Variants in LARGE1 observed in about 807,000 individuals in gnomAD.
LARGE1 encodes xylosyl- and glucuronyltransferase LARGE1.
In LARGE1, 43 loss-of-function variants were observed where a neutral mutation model predicts 87.6. That is an observed-to-expected ratio of 0.49 (90% CI 0.38 to 0.63). LARGE1 has a LOEUF of 0.63. Ranked by LOEUF, LARGE1 falls within the 30% of genes least tolerant of loss-of-function variation. The pLI is 0.00. For missense variants in LARGE1, 802 were observed against 1,000.2 expected (o/e 0.80, Z 2.67); for synonymous variants, 434 against 394.6 (o/e 1.10, Z -1.18).
At chr22:33,315,577 C>T (rs983100757) in intron 11 of LARGE1, among the ~76,000 whole-genome samples, 3 of 152,056 alleles carry the variant, frequency 2.0e-5, no homozygotes, top group Admixed American at 6.6e-5. Context: ...CCTTGGTTTT[C>T]GGTGCTGGGG....
At chr22:33,628,195 A>C (rs150386874) in intron 3 of LARGE1, among the ~76,000 whole-genome samples, 2 of 152,190 alleles carry the variant, frequency 1.3e-5, no homozygotes, top group Non-Finnish European at 1.5e-5. Flanking sequence ...ACTGTGCTTC[A>C]TATTACCAGA....
intron 11 of LARGE1, among the ~76,000 whole-genome samples, chr22:33,203,678 A>T (rs143627022): frequency 6.6e-6 from 1 of 152,208 alleles, no homozygotes; most frequent in East Asian, 1.9e-4. Context: ...ACTGCCCTGG[A>T]TTTCCCCAGC....
At chr22:33,368,697 A>G (rs2064689767) in intron 9 of LARGE1, among the ~76,000 whole-genome samples, 1 of 151,920 alleles carries the variant, frequency 6.6e-6, no homozygotes, top group Admixed American at 6.6e-5. Context: ...TAACTTGGAG[A>G]TATTGTGGGT....
chr22:33,503,350 G>A (rs752182899), intron 6 of LARGE1, among the ~76,000 whole-genome samples: 17 of 149,344 alleles, frequency 1.1e-4, no homozygotes, highest in Non-Finnish European at 2.2e-4. Flanking sequence ...TCCGCCTTCC[G>A]GGTTCAAGCA....
chr22:33,083,612 T>C, the LARGE1 span, among the ~76,000 whole-genome samples: 1 of 152,190 alleles, frequency 6.6e-6, no homozygotes, highest in South Asian at 2.1e-4. Flanking sequence ...ATATATAATA[T>C]ATCAGATAGT....
chr22:33,584,705 G>C (rs2078619504), intron 5 of LARGE1, among the ~76,000 whole-genome samples: 1 of 151,794 alleles, frequency 6.6e-6, no homozygotes, highest in South Asian at 2.1e-4. Context: ...TCAGCTGGCA[G>C]TCCATCCATC....
intron 1 of LARGE1, among the ~76,000 whole-genome samples, chr22:33,851,625 T>C (rs1199262713): frequency 6.6e-6 from 1 of 152,192 alleles, no homozygotes; most frequent in Non-Finnish European, 1.5e-5. Flanking sequence ...TTGGGTTCAT[T>C]GGTTCACTGC....
intron 2 of LARGE1, among the ~76,000 whole-genome samples, chr22:33,658,149 C>T (rs545752755): frequency 1.6e-4 from 24 of 152,268 alleles, no homozygotes; most frequent in African/African-American, 5.5e-4. Flanking sequence ...TCCCTGGTCC[C>T]TCAGGCCAGT....
intron 2 of LARGE1, among the ~76,000 whole-genome samples, chr22:33,714,018 TAA>T (rs2082836034): frequency 2.0e-5 from 3 of 151,352 alleles, no homozygotes; most frequent in African/African-American, 7.3e-5. Context: ...TAACATAACA[TAA>T]CATAACATAA....
At chr22:33,513,907 A>G (rs553727001) in intron 6 of LARGE1, among the ~76,000 whole-genome samples, 18 of 151,806 alleles carry the variant, frequency 1.2e-4, no homozygotes, top group African/African-American at 4.3e-4. Flanking sequence ...TTGTGGTCCC[A>G]TAAGATTATG....
chr22:33,513,812 T>TACACACACAC (rs56262022), intron 6 of LARGE1, among the ~76,000 whole-genome samples: 16,129 of 143,040 alleles, frequency 0.11, 963 homozygotes, highest in Admixed American at 0.14. Flanking sequence ...AGAGCTGATG[T>TACACACACAC]ACACACACAC....
rs74345484 is a variant in LARGE1, at chr22:33,289,494, G to A, written c.1731-6146C>T. Among the ~76,000 whole-genome samples the A allele has an allele frequency of 9.5e-3, 1,448 of 152,274 alleles. 28 individuals carry two copies. Among genetic ancestry groups the A allele is most frequent in the African/African-American group, 0.034 (1,393 of 41,544 alleles). ...TCAGGGCTCTAGAGCCCAAAGCAGT[G>A]CCTGACTTAGAATTAACTCATTAAC... is the stretch of plus-strand genomic sequence containing the variant. On this transcript the variant is annotated intron_variant, in intron 12 of 14. Transcript: ENST00000397394.
intron 7 of LARGE1, among the ~76,000 whole-genome samples, chr22:33,395,303 G>A (rs1404491596): frequency 6.6e-6 from 1 of 151,258 alleles, no homozygotes; most frequent in Non-Finnish European, 1.5e-5. Context: ...GAAGCTGTAG[G>A]CCTAGGGTAG....
intron 1 of LARGE1, among the ~76,000 whole-genome samples, chr22:33,833,252 T>A (rs925529845): frequency 1.3e-5 from 2 of 152,220 alleles, no homozygotes; most frequent in African/African-American, 4.8e-5. Flanking sequence ...CCAGTGACCC[T>A]CGGTTACAGG....
chr22:33,382,012 G>A lies in LARGE1; in HGVS notation c.1038C>T (p.Pro346=), dbSNP rs1218154490. 3 of 1,614,056 alleles carry A rather than the reference G, an allele frequency of 1.9e-6. No homozygotes were observed. Among genetic ancestry groups the A allele is most frequent in the Non-Finnish European group, 2.5e-6 (3 of 1,180,028 alleles). The change falls in exon 9 of 15, where the codon CCC becomes CCT. Residue 346 remains proline, a synonymous_variant. Transcript: ENST00000397394. ...DIFNAVIKQN[P]FLVYQLPCFW... is the part of the protein sequence containing the mutation. ...AGCAGGGGAGCTGGTACACAAGGAA[G>A]GGGTTTTGTTTGATGACGGCATTGA...
intron 1 of LARGE1, among the ~76,000 whole-genome samples, chr22:33,779,238 G>A (rs1322687838): frequency 6.6e-6 from 1 of 152,072 alleles, no homozygotes; most frequent in Non-Finnish European, 1.5e-5. Context: ...AGGAACGGTG[G>A]TTATTTCATT....
intron 1 of LARGE1, among the ~76,000 whole-genome samples, chr22:33,878,125 A>ATTTTTTTTTTTTTTTTTTTTTTTTT (rs1601836110): frequency 3.9e-5 from 2 of 51,256 alleles, no homozygotes; most frequent in Non-Finnish European, 8.1e-5. Context: ...TTTATATTGT[A>ATTTTTTTTTTTTTTTTTTTTTTTTT]TTTCTTTTTT....
intron 12 of LARGE1, among the ~76,000 whole-genome samples, chr22:33,299,558 T>C (rs747324815): frequency 4.6e-5 from 7 of 152,118 alleles, no homozygotes; most frequent in Admixed American, 2.6e-4. Flanking sequence ...GGTGGCAGAG[T>C]TTGCAATGGC....
At chr22:33,170,331 T>C (rs977496441) in intron 11 of LARGE1, among the ~76,000 whole-genome samples, 4 of 152,112 alleles carry the variant, frequency 2.6e-5, no homozygotes, top group Admixed American at 1.3e-4. Flanking sequence ...ATCATGCCAC[T>C]GCACCCTGGC....
Sources: allele counts gnomAD v4.1 joint callset (sites outside exome capture counted in the v4.1 genomes callset), GRCh38; gene constraint gnomAD v4.1.1; transcripts MANE v1.5; gene names NCBI Gene and HGNC (gene_info 2026-07-23, HGNC 2026-07-21).